Variants in MYPN observed in about 807,000 individuals in gnomAD.
MYPN encodes sarcomeric protein myopalladin, 145 kDa (MYOP).
In MYPN, 63 loss-of-function variants were observed where a neutral mutation model predicts 129.4. That is an observed-to-expected ratio of 0.49 (90% confidence interval 0.40 to 0.60). The LOEUF (loss-of-function observed/expected upper bound fraction) is 0.60. Ranked by LOEUF, MYPN falls within the 20% of genes least tolerant of loss-of-function variation. The pLI is 0.00. For missense variants in MYPN, 1,596 were observed against 1,635.4 expected (o/e 0.98, Z 0.42); for synonymous variants, 629 against 600.9 (o/e 1.05, Z -0.68).
intron 12 of MYPN, among the ~76,000 whole-genome samples, chr10:68,187,304 C>G (rs1401654026): frequency 1.1e-5 from 1 of 94,270 alleles, no homozygotes; most frequent in Admixed American, 1.2e-4. Flanking sequence ...AAGACTCCAT[C>G]TCAAAAAAAA....
intron 1 of MYPN, among the ~76,000 whole-genome samples, chr10:68,094,452 G>T (rs996421393): frequency 5.9e-5 from 9 of 151,686 alleles, no homozygotes; most frequent in African/African-American, 2.2e-4. Context: ...AGTAGAGACG[G>T]GGTTTCACCA....
Position 68,121,578 on chromosome 10 carries a change from C to T in MYPN, c.140C>T (p.Pro47Leu), listed in dbSNP as rs777446804. The change falls in exon 2 of 20, where the codon CCT (proline) becomes CTT (leucine). Residue 47 changes from proline (P) to leucine (L), a missense_variant. By Grantham distance (98) the Pro-to-Leu change is moderately conservative. Coordinates refer to ENST00000358913, the MANE Select transcript of MYPN (RefSeq NM_032578.4). ...PSSNPCHFGS[P>L]SGAAEGGGGQ... The stretch of plus-strand genomic sequence containing the variant: ...TCCAACCCTTGCCATTTCGGCAGTC[C>T]TTCTGGGGCCGCTGAAGGAGGCGGA... 123 of 1,614,088 alleles carry T rather than the reference C, an allele frequency of 7.6e-5. No individual in the cohort carries two copies. The highest frequency in any genetic ancestry group is 4.9e-4 in the Middle Eastern group (3 of 6,084).
chr10:68,089,907 T>G (rs17456400), intron 1 of MYPN, among the ~76,000 whole-genome samples: 14,644 of 152,264 alleles, frequency 0.096, 937 homozygotes, highest in Middle Eastern at 0.19. Context: ...GGATATGATC[T>G]GATGGAATGA....
upstream of MYPN, among the ~76,000 whole-genome samples, chr10:68,103,636 A>T (rs955021096): frequency 6.6e-6 from 1 of 152,200 alleles, no homozygotes; most frequent in African/African-American, 2.4e-5. Context: ...CATTGAAAAG[A>T]GAGTGAGTTC....
chr10:68,153,813 T>C (rs2042819546), intron 6 of MYPN, among the ~76,000 whole-genome samples: 1 of 152,212 alleles, frequency 6.6e-6, no homozygotes. Context: ...TTGTTTGGCT[T>C]CTTCCTGCCC....
chr10:68,174,694 T>TTC, intron 11 of MYPN, 38 bp downstream of exon 11: 1 of 1,591,756 alleles, frequency 6.3e-7, no homozygotes, highest in Admixed American at 1.7e-5. Flanking sequence ...AAGATGCTAG[T>TTC]TAAGAGTCGA....
chr10:68,142,716 T>C (rs2042596104), intron 2 of MYPN, among the ~76,000 whole-genome samples: 1 of 152,240 alleles, frequency 6.6e-6, no homozygotes, highest in South Asian at 2.1e-4. Flanking sequence ...AGTTGTACCA[T>C]TCTTAACTGG....
intron 1 of MYPN, among the ~76,000 whole-genome samples, chr10:68,098,869 T>C (rs7086206): frequency 0.01 from 1,527 of 152,234 alleles, 39 homozygotes; most frequent in African/African-American, 0.035. Context: ...TTTGAAAATC[T>C]GGGTCTTTAT....
chr10:68,199,629 A>G, intron 17 of MYPN, 54 bp downstream of exon 17: 1 of 1,554,078 alleles, frequency 6.4e-7, no homozygotes, highest in Admixed American at 1.7e-5. Flanking sequence ...GTCATTACCC[A>G]AAGAGGCAGA....
intron 6 of MYPN, among the ~76,000 whole-genome samples, chr10:68,153,406 T>C (rs1476735260): frequency 6.6e-6 from 1 of 152,256 alleles, no homozygotes; most frequent in East Asian, 1.9e-4. Flanking sequence ...GGCAGATGCA[T>C]ATACTTTTGA....
At chr10:68,208,097 A>AATG in intron 19 of MYPN, among the ~76,000 whole-genome samples, 1 of 152,354 alleles carries the variant, frequency 6.6e-6, no homozygotes, top group East Asian at 1.9e-4. Flanking sequence ...GCTCAATCCT[A>AATG]CACTTTTTGA....
At chr10:68,100,834 A>G (rs2041978235) in intron 1 of MYPN, among the ~76,000 whole-genome samples, 1 of 152,134 alleles carries the variant, frequency 6.6e-6, no homozygotes, top group Non-Finnish European at 1.5e-5. Context: ...TGACTGGTGC[A>G]TGGTGAACAT....
chr10:68,111,561 T>A (rs559532911), intron 1 of MYPN, among the ~76,000 whole-genome samples: 127 of 152,360 alleles, frequency 8.3e-4, no homozygotes, highest in African/African-American at 3.0e-3. Context: ...CAAATGCTTT[T>A]AAAACTACTA....
At chr10:68,120,286 T>C (rs751942016) in intron 1 of MYPN, among the ~76,000 whole-genome samples, 1 of 152,180 alleles carries the variant, frequency 6.6e-6, no homozygotes, top group African/African-American at 2.4e-5. Flanking sequence ...GGATATAATA[T>C]TAAAAATACA....
chr10:68,110,246 T>TTCTCCTTTCTCTCTCTC (rs2042063438), intron 1 of MYPN, among the ~76,000 whole-genome samples: 1 of 152,054 alleles, frequency 6.6e-6, no homozygotes, highest in African/African-American at 2.4e-5. Flanking sequence ...TGCTCTTTCT[T>TTCTCCTTTCTCTCTCTC]TCTCCTTTCT....
At chr10:68,108,199 G>C (rs749404134), upstream of MYPN, among the ~76,000 whole-genome samples, 17 of 152,064 alleles carry the variant, frequency 1.1e-4, no homozygotes, top group Non-Finnish European at 1.9e-4. Context: ...CTCAATACCA[G>C]TTATTTCAAT....
chr10:68,152,009 G>A (rs942358658), intron 6 of MYPN, among the ~76,000 whole-genome samples: 5 of 152,162 alleles, frequency 3.3e-5, no homozygotes, highest in African/African-American at 9.7e-5. Flanking sequence ...ACATCAATCC[G>A]TACATGTAAG....
intron 2 of MYPN, among the ~76,000 whole-genome samples, chr10:68,123,366 G>A (rs556531570): frequency 1.1e-3 from 158 of 149,820 alleles, no homozygotes; most frequent in African/African-American, 3.6e-3. Flanking sequence ...GCTACAGAGC[G>A]GAGGCTCCAT....
At chr10:68,132,237 T>C (rs908451658) in intron 2 of MYPN, among the ~76,000 whole-genome samples, 6 of 152,232 alleles carry the variant, frequency 3.9e-5, no homozygotes, top group African/African-American at 1.4e-4. Context: ...TTTTTCTGCA[T>C]TTATTGAGCT....
Sources: gnomAD v4.1 joint callset for allele counts (sites outside exome capture counted in the v4.1 genomes callset) on GRCh38, gnomAD v4.1.1 for gene constraint, MANE v1.5 for transcripts, NCBI Gene and HGNC (gene_info 2026-07-23, HGNC 2026-07-21) for gene names.